The following TUBGCP5 variants were observed in gnomAD, a reference collection of about 807,000 sequenced individuals.
TUBGCP5 encodes the protein gamma-tubulin complex component 5.
In TUBGCP5, 98 loss-of-function variants were observed where a neutral mutation model predicts 134.7. That is an observed-to-expected ratio of 0.73 (90% CI 0.62 to 0.86). TUBGCP5 has a LOEUF of 0.86. Among genes scored for constraint, TUBGCP5 ranks in the 40% least tolerant of loss-of-function variants. TUBGCP5 has a pLI of 0.00. For missense variants in TUBGCP5, 1,150 were observed against 1,244.8 expected, an observed-to-expected ratio of 0.92 and a Z score of 1.15; for synonymous variants, 456 against 431.4, an observed-to-expected ratio of 1.06 and a Z score of -0.71.
Position 23,039,451 on chromosome 15 carries a change from G to A in TUBGCP5, c.93C>T (p.Asp31=). 6.5e-7 allele frequency: 1 copy of A among 1,548,806 alleles called. No homozygotes were observed. The highest frequency in any genetic ancestry group is 8.7e-7 in the Non-Finnish European group (1 of 1,144,924). The change falls in exon 1 of 23, where the codon GAC becomes GAT. Residue 31 remains aspartate (D), a synonymous_variant. Coordinates refer to ENST00000615383, the MANE Select transcript of TUBGCP5 (RefSeq NM_052903.6). ...CGAGCTGGAAGTTGGGGTCTGCCTC[G>A]TCCTGGAGGCCGGCGACACCCCGGA... ...ELVRGVAGLQ[D]EADPNFQLAL...
intron 23 of TUBGCP5, among the ~76,000 whole-genome samples, chr15:22,988,597 G>T (rs564910614): frequency 6.6e-6 from 1 of 151,466 alleles, no homozygotes; most frequent in Non-Finnish European, 1.5e-5. Context: ...TTAGCCGGGC[G>T]TGGTGGTGGG....
intron 23 of TUBGCP5, among the ~76,000 whole-genome samples, chr15:22,988,571 G>GA (rs2063752820): frequency 6.7e-6 from 1 of 149,704 alleles, no homozygotes. Flanking sequence ...GTCTCTACTA[G>GA]AAAATACAAA....
chr15:23,000,826 C>G (rs113229993), intron 21 of TUBGCP5, among the ~76,000 whole-genome samples, 157 bp from the exon 22 acceptor site: 2 of 152,206 alleles, frequency 1.3e-5, no homozygotes, highest in African/African-American at 4.8e-5. Flanking sequence ...TCCTACCCTA[C>G]TTTAAAATAA....
chr15:22,994,638 G>A (rs967903069), downstream of TUBGCP5, among the ~76,000 whole-genome samples: 25 of 152,114 alleles, frequency 1.6e-4, no homozygotes, highest in African/African-American at 5.8e-4. Context: ...TCTAGTTTTT[G>A]GCACTTATTC....
chr15:23,026,521 A>G (rs1480221187), intron 7 of TUBGCP5, among the ~76,000 whole-genome samples: 1 of 152,200 alleles, frequency 6.6e-6, no homozygotes, highest in African/African-American at 2.4e-5. Flanking sequence ...ATGCCCTAAT[A>G]TATACCAATC....
At chr15:23,004,046 G>A (rs2064554335) in intron 20 of TUBGCP5, 56 bp downstream of exon 20, 9 of 1,536,754 alleles carry the variant, frequency 5.9e-6, no homozygotes, top group African/African-American at 1.4e-5. Flanking sequence ...TCCAAAGCAC[G>A]CAGACAGCGC....
chr15:23,028,249 A>G, intron 6 of TUBGCP5, among the ~76,000 whole-genome samples: 1 of 151,956 alleles, frequency 6.6e-6, no homozygotes, highest in South Asian at 2.1e-4. Flanking sequence ...GTGTGGTGGC[A>G]TGCACTGGAA....
Position 23,010,008 on chromosome 15 carries a change from T to G in TUBGCP5, c.2081A>C (p.His694Pro), listed in dbSNP as rs1350654682. ...ELTLRSCLYPHIDKQYLDCCG... is the reference protein window; with the variant it reads ...ELTLRSCLYPPIDKQYLDCCG... Reference sequence around the variant, plus strand: ...GCAATCTAGATACTGCTTGTCAATATGAGGATAGAGGCAGGATCTCAGCGT... The same window carrying G: ...GCAATCTAGATACTGCTTGTCAATAGGAGGATAGAGGCAGGATCTCAGCGT... Residue 694 changes from histidine (H) to proline (P), a missense_variant, in exon 15 of 23, where the codon CAT becomes CCT. Coordinates refer to ENST00000615383, the MANE Select transcript of TUBGCP5 (RefSeq NM_052903.6). 20 of 1,614,174 alleles carry G rather than the reference T, an allele frequency of 1.2e-5. No homozygotes were observed. Among genetic ancestry groups the G allele is most frequent in the Non-Finnish European group, 1.7e-5 (20 of 1,180,016 alleles).
rs35914296 is a variant in TUBGCP5, at chr15:23,008,630, T to C, written c.2327+69A>G. The C allele has an allele frequency of 0.1, 153,772 of 1,486,334 alleles. 11,597 individuals are homozygous for C. Among genetic ancestry groups the C allele is most frequent in the East Asian group, 0.46 (20,324 of 44,004 alleles). 92.1% of individuals were successfully genotyped at this position (1,486,334 alleles called of 1,614,324 possible). A position where few individuals can be genotyped will look rare whatever the true frequency, so the allele number is the denominator to read the frequency against. On this transcript the variant is annotated intron_variant, in intron 16 of 22. Coordinates refer to ENST00000615383, the MANE Select transcript of TUBGCP5 (RefSeq NM_052903.6). Reference sequence around the variant, plus strand: ...GTGAGGATAAAATAATATGTGTAATTCATAGAAGACTTACTGGCACATAGT... The same window carrying C: ...GTGAGGATAAAATAATATGTGTAATCCATAGAAGACTTACTGGCACATAGT...
chr15:23,023,277 C>T (rs997186739), intron 10 of TUBGCP5: 4 of 150,244 alleles, frequency 2.7e-5, no homozygotes, highest in African/African-American at 9.8e-5. Flanking sequence ...TTGCAGTAAG[C>T]AGAGATTGAG....
At position 23,039,491 on chromosome 15, in the gene TUBGCP5, T is replaced by C. The variant is rs1246116266; in HGVS notation, c.53A>G (p.Asp18Gly). The change falls in exon 1 of 23, where the codon GAC (aspartate) becomes GGC (glycine). Residue 18 changes from aspartate (D) to glycine (G), a missense_variant. This residue lies in a region of TUBGCP5 where 453 missense variants were observed against 394.7 expected (regional missense o/e 1.15). Coordinates refer to ENST00000615383, the MANE Select transcript of TUBGCP5 (RefSeq NM_052903.6). ...WSRLDAQQER[D>G]VRELVRGVAG... ...GACACCCCGGACGAGCTCCCGCACG[T>C]CGCGCTCCTGCTGCGCGTCCAACCG... The C allele has an allele frequency of 1.2e-5, 18 of 1,523,066 alleles. No individual in the cohort carries two copies. Among genetic ancestry groups the C allele is most frequent in the Non-Finnish European group, 1.6e-5 (18 of 1,130,436 alleles). 94.3% of individuals were successfully genotyped at this position (1,523,066 alleles called of 1,614,324 possible). A position where few individuals can be genotyped will look rare whatever the true frequency, so the allele number is the denominator to read the frequency against.
intron 13 of TUBGCP5, among the ~76,000 whole-genome samples, chr15:23,015,432 AG>A (rs916545788): frequency 5.4e-4 from 81 of 150,650 alleles, no homozygotes; most frequent in African/African-American, 1.8e-3. Context: ...GCTTGAGGCT[AG>A]GAGTTTGAGA....
At chr15:23,035,544 C>G (rs2066543091) in intron 3 of TUBGCP5, among the ~76,000 whole-genome samples, 2 of 152,058 alleles carry the variant, frequency 1.3e-5, no homozygotes, top group African/African-American at 4.8e-5. Context: ...GTGCAGTTCA[C>G]AATGGGGTTT....
chr15:23,037,320 C>T (rs530863255), intron 1 of TUBGCP5, among the ~76,000 whole-genome samples, 168 bp from the exon 2 acceptor site: 27 of 152,238 alleles, frequency 1.8e-4, no homozygotes, highest in Admixed American at 9.2e-4. Context: ...AAATAATCAC[C>T]GTGTCCGAGA....
Position 23,008,869 on chromosome 15 carries a change from G to A in TUBGCP5, c.2157C>T (p.Tyr719=). ...AGAAAAAATTCCTCATAGCTTGCAA[G>A]TATTCTACCAACCTGAATGGAGAGA... ...TLKKDYRLVE[Y]LQAMRNFFLM... The change falls in exon 16 of 23, where the codon TAC becomes TAT. Residue 719 remains tyrosine (Y), a synonymous_variant. Transcript: ENST00000615383. 6.4e-7 allele frequency: 1 copy of A among 1,570,388 alleles called. No homozygotes were observed. The highest frequency in any genetic ancestry group is 2.3e-5 in the East Asian group (1 of 43,136).
At chr15:22,994,101 T>A (rs1047269334) in intron 23 of TUBGCP5, among the ~76,000 whole-genome samples, 4 of 152,038 alleles carry the variant, frequency 2.6e-5, no homozygotes, top group African/African-American at 9.7e-5. Context: ...TTTCCCTTCT[T>A]TTTTAGGATG....
chr15:23,026,875 G>A (rs1210959604), intron 7 of TUBGCP5, among the ~76,000 whole-genome samples: 4 of 152,122 alleles, frequency 2.6e-5, no homozygotes, highest in African/African-American at 9.7e-5. Flanking sequence ...AGATGTTACA[G>A]TGAGCCATGA....
chr15:23,021,830 T>G (rs1219334186), intron 11 of TUBGCP5, 129 bp downstream of exon 11: 4 of 1,006,216 alleles, frequency 4.0e-6, no homozygotes, highest in Non-Finnish European at 5.8e-6. Flanking sequence ...AATTTGGAAG[T>G]TAATTTAAAA....
rs558258294 is a variant in TUBGCP5, at chr15:23,028,793, T to C, written c.623-1487A>G. ...TCTGCTACGGACTAGAGGGTTGGGC[T>C]GCTGGGCCAGAAAAGAGATTTGATC... is the stretch of plus-strand genomic sequence containing the variant. On this transcript the variant is annotated intron_variant, in intron 6 of 22. Coordinates refer to ENST00000615383, the MANE Select transcript of TUBGCP5 (RefSeq NM_052903.6). Among the ~76,000 whole-genome samples the C allele has an allele frequency of 5.9e-5, 9 of 152,246 alleles. No individual in the cohort carries two copies. In the South Asian group the frequency reaches 1.9e-3, roughly 32 times the overall value.
Sources: allele counts gnomAD v4.1 joint callset (sites outside exome capture counted in the v4.1 genomes callset), GRCh38; gene constraint gnomAD v4.1.1; regional missense constraint gnomAD v4.1.1; transcripts MANE v1.5; gene names NCBI Gene and HGNC (gene_info 2026-07-23, HGNC 2026-07-21).